LARGE1: variants seen among roughly 807,000 people sequenced by gnomAD.
LARGE1 encodes LARGE xylosyl- and glucuronyltransferase 1.
A neutral mutation model predicts 87.6 loss-of-function variants in LARGE1; 43 were observed. The ratio of observed to expected loss-of-function variants is 0.49; its 90% CI spans 0.38 to 0.63. The LOEUF (loss-of-function observed/expected upper bound fraction) is 0.63, where lower values mean the gene tolerates loss of function less well. Ranked by LOEUF, LARGE1 falls within the 30% of genes least tolerant of loss-of-function variation. The pLI is 0.00. For missense variants in LARGE1, 802 were observed against 1,000.2 expected, an observed-to-expected ratio of 0.80 and a Z score of 2.67; for synonymous variants, 434 against 394.6, an observed-to-expected ratio of 1.10 and a Z score of -1.18.
intron 1 of LARGE1, among the ~76,000 whole-genome samples, chr22:33,851,434 A>T (rs772685277): frequency 6.6e-6 from 1 of 152,176 alleles, no homozygotes; most frequent in Non-Finnish European, 1.5e-5. Flanking sequence ...CTCTGTTTCC[A>T]CAATTATCAA....
intron 6 of LARGE1, among the ~76,000 whole-genome samples, chr22:33,551,887 G>A (rs1310275429): frequency 6.6e-6 from 1 of 151,796 alleles, no homozygotes; most frequent in African/African-American, 2.4e-5. Flanking sequence ...CCAGCTACTT[G>A]GGAGGCTGAG....
chr22:33,775,586 T>A (rs2085208627), intron 1 of LARGE1, among the ~76,000 whole-genome samples: 2 of 152,188 alleles, frequency 1.3e-5, no homozygotes, highest in Non-Finnish European at 2.9e-5. Flanking sequence ...GCTCAGTGGC[T>A]CATGCCTGTA....
In LARGE1 at chr22:33,277,122, C is replaced by T. The variant is rs1383236787; in HGVS notation, c.2011G>A (p.Asp671Asn). The change falls in exon 14 of 15, where the codon GAC (aspartate) becomes AAC (asparagine). Residue 671 changes from aspartate to asparagine, a missense_variant. Asp to Asn is a conservative substitution (Grantham distance 23). Around this residue, in one of 2 missense-constraint regions of LARGE1, gnomAD observed 625 missense variants for 841.9 expected, o/e 0.74. Transcript: ENST00000397394. ...VVVRRDCPEYDRRFVGFGWNK... is the reference protein window; with the variant it reads ...VVVRRDCPEYNRRFVGFGWNK... ...CAGCCAAAGCCTACAAACCTCCGGTCGTACTCCGGGCAGTCACGTCTCACA... is the reference window on the plus strand; with the variant it reads ...CAGCCAAAGCCTACAAACCTCCGGTTGTACTCCGGGCAGTCACGTCTCACA... 6.2e-7 allele frequency: 1 copy of T among 1,614,196 alleles called. No homozygotes were observed.
In LARGE1 at chr22:33,198,825, T is replaced by C. The variant is rs201858022; in HGVS notation, c.1731-31993A>G. On this transcript the variant is annotated intron_variant, in intron 11 of 11. Coordinates refer to the LARGE1 transcript ENST00000608642. ...TGATAAACACACTAGTGCCAGTCTCTTTTTGATATAATGATTTGTTTCCCT... is the reference window on the plus strand; with the variant it reads ...TGATAAACACACTAGTGCCAGTCTCCTTTTGATATAATGATTTGTTTCCCT... Among the ~76,000 whole-genome samples the C allele has an allele frequency of 5.3e-5, 8 of 152,242 alleles. No individual in the cohort carries two copies. The East Asian group carries it at 1.5e-3, about 29-fold the overall frequency.
chr22:33,782,564 C>T (rs1332511442), intron 1 of LARGE1, among the ~76,000 whole-genome samples: 1 of 152,066 alleles, frequency 6.6e-6, no homozygotes, highest in East Asian at 1.9e-4. Context: ...TTAGCTACTA[C>T]CAAAATAAAG....
At chr22:33,544,365 T>G (rs1237730551) in intron 6 of LARGE1, among the ~76,000 whole-genome samples, 2 of 152,184 alleles carry the variant, frequency 1.3e-5, no homozygotes, top group Non-Finnish European at 2.9e-5. Context: ...CAGCTTTGCC[T>G]CATCACAGTT....
At chr22:33,828,745 C>A (rs2062871783) in intron 1 of LARGE1, among the ~76,000 whole-genome samples, 1 of 152,162 alleles carries the variant, frequency 6.6e-6, no homozygotes, top group African/African-American at 2.4e-5. Context: ...TAAATGAATG[C>A]ATGCATAAAC....
At chr22:33,335,423 G>C (rs1216216196) in intron 10 of LARGE1, among the ~76,000 whole-genome samples, 4 of 152,200 alleles carry the variant, frequency 2.6e-5, no homozygotes, top group South Asian at 2.1e-4. Flanking sequence ...CAGTCACAGA[G>C]AGCAGGGGCG....
chr22:33,578,938 T>C (rs1023146411), intron 5 of LARGE1, among the ~76,000 whole-genome samples: 1 of 152,132 alleles, frequency 6.6e-6, no homozygotes, highest in Admixed American at 6.5e-5. Flanking sequence ...AGAACAAATG[T>C]TTCTCCAATC....
chr22:33,838,861 C>T (rs2063187130), intron 1 of LARGE1, among the ~76,000 whole-genome samples: 1 of 151,944 alleles, frequency 6.6e-6, no homozygotes, highest in Non-Finnish European at 1.5e-5. Flanking sequence ...CGGCTCTCCA[C>T]GTTTTTTGTT....
intron 6 of LARGE1, among the ~76,000 whole-genome samples, chr22:33,564,519 A>C (rs1478135895): frequency 6.6e-6 from 1 of 152,236 alleles, no homozygotes; most frequent in Non-Finnish European, 1.5e-5. Context: ...TGGCAATTAG[A>C]CTATCCTTCG....
intron 5 of LARGE1, among the ~76,000 whole-genome samples, chr22:33,603,100 C>G (rs1030505589): frequency 1.3e-5 from 2 of 152,122 alleles, no homozygotes; most frequent in Non-Finnish European, 2.9e-5. Flanking sequence ...GGGAATGGCA[C>G]GCAAATTACC....
chr22:33,893,010 C>T (rs2065043327), intron 1 of LARGE1, among the ~76,000 whole-genome samples: 1 of 152,178 alleles, frequency 6.6e-6, no homozygotes, highest in Admixed American at 6.5e-5. Flanking sequence ...ATCCAACCTA[C>T]AGTGGTTAAT....
chr22:33,608,916 A>G (rs937660261), intron 4 of LARGE1, among the ~76,000 whole-genome samples: 2 of 152,208 alleles, frequency 1.3e-5, no homozygotes, highest in African/African-American at 4.8e-5. Flanking sequence ...AAAATAACAT[A>G]ATAAACATAA....
intron 6 of LARGE1, among the ~76,000 whole-genome samples, chr22:33,499,542 G>A (rs1466251938): frequency 6.6e-6 from 1 of 152,182 alleles, no homozygotes; most frequent in Non-Finnish European, 1.5e-5. Flanking sequence ...GAGCCAGCCC[G>A]AGGACACGGA....
At chr22:33,781,995 TGAAA>T (rs1210674858) in intron 1 of LARGE1, among the ~76,000 whole-genome samples, 1 of 152,084 alleles carries the variant, frequency 6.6e-6, no homozygotes, top group African/African-American at 2.4e-5. Flanking sequence ...AATTTAAGCC[TGAAA>T]GAGAGCTTGG....
chr22:33,385,051 T>C (rs1172594635), intron 7 of LARGE1, among the ~76,000 whole-genome samples: 1 of 148,732 alleles, frequency 6.7e-6, no homozygotes, highest in Non-Finnish European at 1.5e-5. Flanking sequence ...AGGGTCTTTT[T>C]GGCCCATCCA....
intron 6 of LARGE1, among the ~76,000 whole-genome samples, chr22:33,492,257 C>T (rs1226030120): frequency 6.6e-6 from 1 of 152,182 alleles, no homozygotes; most frequent in Admixed American, 6.5e-5. Context: ...GCACAAAGAG[C>T]AAGAAGCTGG....
chr22:33,156,792 C>T, the LARGE1 span, among the ~76,000 whole-genome samples: 8 of 152,226 alleles, frequency 5.3e-5, 1 homozygote, highest in Middle Eastern at 6.8e-3. Flanking sequence ...GCTGTGTCCC[C>T]ACCAAAATTT....
Sources: gnomAD v4.1 joint callset for allele counts (sites outside exome capture counted in the v4.1 genomes callset) on GRCh38, gnomAD v4.1.1 for gene constraint, gnomAD v4.1.1 regional missense constraint, MANE v1.5 for transcripts, NCBI Gene and HGNC (gene_info 2026-07-23, HGNC 2026-07-21) for gene names.